BNC2: variants seen among roughly 807,000 people sequenced by gnomAD.
The protein encoded by BNC2 is zinc finger protein basonuclin-2.
Under a neutral mutation model 76.3 loss-of-function variants are expected in BNC2, and 20 were observed. The ratio of observed to expected loss-of-function variants is 0.26; its 90% confidence interval spans 0.18 to 0.38. The LOEUF (loss-of-function observed/expected upper bound fraction) is 0.38, where lower values mean the gene tolerates loss of function less well. BNC2 is among the 10% of genes least tolerant of loss of function. The probability of loss-of-function intolerance (pLI) is 1.00; values close to 1 mark genes in which losing one functional copy is unlikely to be tolerated. For missense variants in BNC2, 1,382 were observed against 1,399.8 expected, an observed-to-expected ratio of 0.99 and a Z score of 0.20; for synonymous variants, 582 against 514.8, an observed-to-expected ratio of 1.13 and a Z score of -1.77.
rs34651454 is a variant in BNC2 at position 16,698,322 on chromosome 9, T to TA, written c.330+29474dup. 8.9e-3 allele frequency among the ~76,000 whole-genome samples: 1,346 copies of TA among 150,672 alleles called. 12 individuals carry two copies. Among genetic ancestry groups the TA allele is most frequent in the African/African-American group, 0.029 (1,211 of 41,186 alleles). On this transcript the variant is annotated intron_variant, in intron 3 of 6. Transcript: ENST00000380672. ...TTCATATTTAAGCACTACTGTTTAT[T>TA]AAAAAAAAAAAATCCACAAACCAAG...
chr9:16,682,268 A>G (rs2134307971), intron 3 of BNC2, among the ~76,000 whole-genome samples: 1 of 111,848 alleles, frequency 8.9e-6, no homozygotes, highest in Middle Eastern at 4.3e-3. Context: ...AAAAGTTTCA[A>G]GACACCCTAT....
intron 1 of BNC2, among the ~76,000 whole-genome samples, chr9:16,781,917 A>G (rs74511005): frequency 0.027 from 4,040 of 152,292 alleles, 180 homozygotes; most frequent in African/African-American, 0.092. Flanking sequence ...GATGGAAAGG[A>G]GAAAACTGGT....
chr9:16,609,317 T>C (rs1820473532), intron 3 of BNC2, among the ~76,000 whole-genome samples: 1 of 151,842 alleles, frequency 6.6e-6, no homozygotes, highest in Non-Finnish European at 1.5e-5. Context: ...GGAAAGTAAA[T>C]AAGCAATTTC....
At chr9:16,502,662 G>A (rs1587105201) in intron 5 of BNC2, among the ~76,000 whole-genome samples, 1 of 152,078 alleles carries the variant, frequency 6.6e-6, no homozygotes. Flanking sequence ...CAGGTCTGAG[G>A]AAGCCACAGA....
intron 3 of BNC2, among the ~76,000 whole-genome samples, chr9:16,649,851 G>C (rs900527901): frequency 6.6e-6 from 1 of 152,080 alleles, no homozygotes; most frequent in African/African-American, 2.4e-5. Context: ...AAGATCATTC[G>C]CTCAGTAGTA....
intron 5 of BNC2, among the ~76,000 whole-genome samples, chr9:16,451,043 G>C (rs1821329016): frequency 8.1e-6 from 1 of 123,442 alleles, no homozygotes; most frequent in South Asian, 3.0e-4. Context: ...GCTGAGTAAA[G>C]TGAATTTCTA....
intron 4 of BNC2, among the ~76,000 whole-genome samples, chr9:16,560,933 GTTGTT>G (rs1818994051): frequency 6.6e-6 from 1 of 152,136 alleles, no homozygotes; most frequent in Admixed American, 6.6e-5. Context: ...AAGTAAGAGG[GTTGTT>G]TTAACTTTGA....
intron 3 of BNC2, among the ~76,000 whole-genome samples, chr9:16,686,727 C>G (rs922122006): frequency 5.9e-5 from 9 of 152,192 alleles, no homozygotes; most frequent in Non-Finnish European, 1.2e-4. Flanking sequence ...ACCCAAAAAT[C>G]AGTACAATCG....
At chr9:16,735,409 A>C (rs1472460765) in intron 2 of BNC2, among the ~76,000 whole-genome samples, 7 of 148,512 alleles carry the variant, frequency 4.7e-5, no homozygotes, top group African/African-American at 1.0e-4. Flanking sequence ...AAAAAAAAAA[A>C]AAAAAAAACA....
At chr9:16,847,828 T>C (rs965218653) in intron 1 of BNC2, among the ~76,000 whole-genome samples, 14 of 152,192 alleles carry the variant, frequency 9.2e-5, no homozygotes, top group Admixed American at 6.5e-4. Context: ...GTGCGGTAGA[T>C]GTGTAAACAG....
intron 1 of BNC2, among the ~76,000 whole-genome samples, chr9:16,856,745 A>T (rs1819267442): frequency 1.3e-5 from 2 of 152,224 alleles, no homozygotes; most frequent in African/African-American, 4.8e-5. Context: ...TCAGCCAAGT[A>T]TGTTTTCTTT....
At chr9:16,539,381 A>C (rs1818230595) in intron 5 of BNC2, among the ~76,000 whole-genome samples, 1 of 151,596 alleles carries the variant, frequency 6.6e-6, no homozygotes, top group Non-Finnish European at 1.5e-5. Context: ...TGAAAAAAAT[A>C]GCCAGGTGTG....
intron 1 of BNC2, among the ~76,000 whole-genome samples, chr9:16,772,428 T>A (rs976794455): frequency 6.6e-6 from 1 of 152,178 alleles, no homozygotes; most frequent in Admixed American, 6.5e-5. Flanking sequence ...TCCTTGTTCA[T>A]AATGTTCACG....
chr9:16,465,700 C>A (rs1821691333), intron 5 of BNC2, among the ~76,000 whole-genome samples: 2 of 150,586 alleles, frequency 1.3e-5, no homozygotes, highest in Admixed American at 6.6e-5. Flanking sequence ...GGAAAAAAAT[C>A]AACAGAAATT....
intron 3 of BNC2, among the ~76,000 whole-genome samples, chr9:16,654,248 C>T (rs945391676): frequency 6.6e-6 from 1 of 152,146 alleles, no homozygotes; most frequent in African/African-American, 2.4e-5. Flanking sequence ...TTTCCTCTGC[C>T]GAACCCCAAC....
At chr9:16,811,523 G>C (rs1467695719) in intron 1 of BNC2, among the ~76,000 whole-genome samples, 1 of 126,634 alleles carries the variant, frequency 7.9e-6, no homozygotes, top group East Asian at 2.2e-4. Flanking sequence ...TTGCACTCCA[G>C]CCTGGGCAAC....
intron 3 of BNC2, 25 bp from the exon 4 acceptor site, chr9:16,583,110 G>A: frequency 7.6e-6 from 12 of 1,575,374 alleles, no homozygotes; most frequent in Non-Finnish European, 9.6e-6. Context: ...AGGAAAAAAA[G>A]GTCAGCATCT....
At chr9:16,819,177 G>A (rs1009780632) in intron 1 of BNC2, among the ~76,000 whole-genome samples, 26 of 152,132 alleles carry the variant, frequency 1.7e-4, no homozygotes, top group African/African-American at 2.7e-4. Context: ...TACAACAAAC[G>A]GTCAAAGAAA....
chr9:16,413,816 T>G lies in BNC2; in HGVS notation c.*5173A>C, dbSNP rs1367795204. ...GTTACTTACATACCTCATAGAACAG[T>G]AAATGAGCTCCCATTTTGATCAAGG... On this transcript the variant is annotated 3_prime_UTR_variant, in exon 7 of 7. Transcript: ENST00000380672. 1.3e-5 allele frequency: 2 copies of G among 152,190 alleles called. No homozygotes were observed. Among genetic ancestry groups the G allele is most frequent in the African/African-American group, 4.8e-5 (2 of 41,442 alleles). 9.4% of individuals were successfully genotyped at this position (152,190 alleles called of 1,614,324 possible). A position where few individuals can be genotyped will look rare whatever the true frequency, so the allele number is the denominator to read the frequency against.
Sources: allele counts gnomAD v4.1 joint callset (sites outside exome capture counted in the v4.1 genomes callset), GRCh38; gene constraint gnomAD v4.1.1; transcripts MANE v1.5; gene names NCBI Gene and HGNC (gene_info 2026-07-23, HGNC 2026-07-21).